ZBTB20: variants seen among roughly 807,000 people sequenced by gnomAD.
The protein encoded by ZBTB20 is zinc finger and BTB domain containing 20, also known as zinc finger and BTB domain-containing protein 20.
In ZBTB20, 9 loss-of-function variants were observed where a neutral mutation model predicts 56.9. The ratio of observed to expected loss-of-function variants is 0.16; its 90% CI spans 0.10 to 0.28. The LOEUF (loss-of-function observed/expected upper bound fraction) is 0.28, where lower values mean the gene tolerates loss of function less well. ZBTB20 is among the 10% of genes least tolerant of loss of function. The probability of loss-of-function intolerance (pLI) is 1.00; values close to 1 mark genes in which losing one functional copy is unlikely to be tolerated. For synonymous variants in ZBTB20, 417 were observed against 420.7 expected (o/e 0.99, Z 0.11); for missense variants, 655 against 1,003.0 (o/e 0.65, Z 4.69).
rs561724868 is a variant in ZBTB20 at position 114,752,294 on chromosome 3, T to C, written c.-343+48807A>G. On this transcript the variant is annotated intron_variant, in intron 5 of 11. Coordinates refer to ENST00000675478, the MANE Select transcript of ZBTB20 (RefSeq NM_001348800.3). ...GGGGGATATAGCAGGTGCTATGGTG[T>C]TTGTTCAAGAGAATACTCCATTTGT... Among the ~76,000 whole-genome samples the C allele has an allele frequency of 8.5e-5, 13 of 152,268 alleles. No homozygotes were observed. In the South Asian group the frequency reaches 2.7e-3, roughly 32 times the overall value.
intron 7 of ZBTB20, among the ~76,000 whole-genome samples, chr3:114,390,781 C>T (rs2085789512): frequency 6.6e-6 from 1 of 152,228 alleles, no homozygotes; most frequent in Non-Finnish European, 1.5e-5. Flanking sequence ...TATGAGGCAC[C>T]TGGATGAATA....
chr3:114,778,733 T>C (rs1451375528), intron 5 of ZBTB20, among the ~76,000 whole-genome samples: 1 of 152,196 alleles, frequency 6.6e-6, no homozygotes, highest in South Asian at 2.1e-4. Context: ...CTACTAGAGA[T>C]AGAATCCTTC....
intron 7 of ZBTB20, among the ~76,000 whole-genome samples, chr3:114,417,757 AG>A (rs1487880255): frequency 1.3e-5 from 2 of 152,072 alleles, no homozygotes; most frequent in East Asian, 1.9e-4. Context: ...AAAGGAAAAA[AG>A]GACTTTTAAA....
chr3:115,019,454 G>A (rs2080115801), intron 2 of ZBTB20, among the ~76,000 whole-genome samples: 1 of 151,212 alleles, frequency 6.6e-6, no homozygotes, highest in African/African-American at 2.4e-5. Context: ...ATGTTTTAGT[G>A]CTTCAAGCAG....
At chr3:114,341,258 T>G (rs2079738568) in intron 11 of ZBTB20, among the ~76,000 whole-genome samples, 1 of 126,506 alleles carries the variant, frequency 7.9e-6, no homozygotes, top group Non-Finnish European at 1.8e-5. Flanking sequence ...GTGTTTACAT[T>G]GGTACCTTTT....
At chr3:115,140,540 A>T (rs1467716090) in intron 1 of ZBTB20, among the ~76,000 whole-genome samples, 2 of 151,660 alleles carry the variant, frequency 1.3e-5, no homozygotes, top group Admixed American at 6.6e-5. Context: ...AGTGCGAGAG[A>T]GTGTGTATGT....
chr3:115,116,472 T>C (rs754722716), intron 1 of ZBTB20, among the ~76,000 whole-genome samples: 2 of 152,034 alleles, frequency 1.3e-5, no homozygotes, highest in Non-Finnish European at 2.9e-5. Flanking sequence ...ATATGTATAT[T>C]GAAGCAGGTT....
chr3:114,772,594 C>A (rs958667589), intron 5 of ZBTB20, among the ~76,000 whole-genome samples: 1 of 151,930 alleles, frequency 6.6e-6, no homozygotes, highest in Non-Finnish European at 1.5e-5. Flanking sequence ...TACTCTTTAC[C>A]AAGTTTCATA....
At chr3:114,562,793 G>C (rs957810102) in intron 6 of ZBTB20, among the ~76,000 whole-genome samples, 8 of 152,122 alleles carry the variant, frequency 5.3e-5, no homozygotes, top group African/African-American at 1.4e-4. Context: ...TCCCAGGAGA[G>C]GGAGAGAGAT....
chr3:114,776,032 CTTTT>C (rs11324801), intron 5 of ZBTB20, among the ~76,000 whole-genome samples: 5 of 135,544 alleles, frequency 3.7e-5, no homozygotes, highest in African/African-American at 5.4e-5. Flanking sequence ...AATTTTTTTT[CTTTT>C]TTTTTTTTTT....
intron 1 of ZBTB20, among the ~76,000 whole-genome samples, chr3:115,088,636 T>C (rs2083077338): frequency 6.6e-6 from 1 of 151,894 alleles, no homozygotes; most frequent in Non-Finnish European, 1.5e-5. Context: ...CATTTTTAGC[T>C]ATCCATACAG....
chr3:114,513,252 T>C (rs1166666328), intron 6 of ZBTB20, among the ~76,000 whole-genome samples: 1 of 152,234 alleles, frequency 6.6e-6, no homozygotes, highest in Non-Finnish European at 1.5e-5. Context: ...TCCACCTCTA[T>C]GTTAATACTC....
intron 6 of ZBTB20, among the ~76,000 whole-genome samples, chr3:114,655,410 G>A (rs1269296295): frequency 3.3e-5 from 5 of 150,492 alleles, no homozygotes; most frequent in Admixed American, 2.6e-4. Context: ...CCGCCACCGC[G>A]CCCGGCTAAT....
intron 7 of ZBTB20, among the ~76,000 whole-genome samples, chr3:114,425,375 C>T (rs974571723): frequency 6.6e-6 from 1 of 152,190 alleles, no homozygotes; most frequent in Non-Finnish European, 1.5e-5. Context: ...CACGTTGTCT[C>T]TGCTTACTTC....
Position 114,323,919 on chromosome 3 carries a change from A to C in ZBTB20, c.*15086T>G, listed in dbSNP as rs540679301. The stretch of plus-strand genomic sequence containing the variant: ...ACTCTCTCCCAGCACAAGTAAGTAC[A>C]TTTCAGTAGTGCAATGCAGTGCAGT... On this transcript the variant is annotated 3_prime_UTR_variant, in exon 12 of 12. Transcript: ENST00000675478. 2.1e-3 allele frequency: 318 copies of C among 152,288 alleles called. 2 individuals carry two copies. Among genetic ancestry groups the C allele is most frequent in the Non-Finnish European group, 3.4e-3 (231 of 68,022 alleles). 9.4% of individuals were successfully genotyped at this position (152,288 alleles called of 1,614,324 possible).
At chr3:114,710,354 G>C (rs900562265) in intron 5 of ZBTB20, 1 of 152,140 alleles carries the variant, frequency 6.6e-6, no homozygotes, top group African/African-American at 2.4e-5. Context: ...AACAGAGTTT[G>C]AATCTCCAGT....
rs11918388 is a variant in ZBTB20 at position 114,336,478 on chromosome 3, T to G, written c.*2527A>C. 1 of 152,164 alleles carries G rather than the reference T, an allele frequency of 6.6e-6. No homozygotes were observed. The highest frequency in any genetic ancestry group is 1.5e-5 in the Non-Finnish European group (1 of 68,028). 9.4% of individuals were successfully genotyped at this position (152,164 alleles called of 1,614,324 possible). A position where few individuals can be genotyped will look rare whatever the true frequency, so the allele number is the denominator to read the frequency against. On this transcript the variant is annotated 3_prime_UTR_variant, in exon 12 of 12. Transcript: ENST00000675478. The stretch of plus-strand genomic sequence containing the variant: ...GCAGGACTCCTCTTAGAAATCACAA[T>G]AGGTTACACTTAATAGTCAGTTAAC...
chr3:115,079,010 T>C (rs1380027768), intron 1 of ZBTB20, among the ~76,000 whole-genome samples: 2 of 152,192 alleles, frequency 1.3e-5, no homozygotes, highest in Non-Finnish European at 2.9e-5. Flanking sequence ...TCACCAACTT[T>C]ATAAAAAAAG....
intron 3 of ZBTB20, among the ~76,000 whole-genome samples, chr3:114,967,956 CAA>C (rs556742631): frequency 1.4e-3 from 139 of 99,958 alleles, no homozygotes; most frequent in African/African-American, 3.6e-3. Context: ...GACTCTGTCT[CAA>C]AAAAAAAAAA....
Sources: allele counts gnomAD v4.1 joint callset (sites outside exome capture counted in the v4.1 genomes callset), GRCh38; gene constraint gnomAD v4.1.1; transcripts MANE v1.5; gene names NCBI Gene and HGNC (gene_info 2026-07-23, HGNC 2026-07-21).